Variants in KTN1 observed in about 807,000 individuals in gnomAD.
KTN1 encodes kinectin 1.
KTN1 carries 130 observed loss-of-function variants against 222.5 expected under a neutral mutation model. The ratio of observed to expected loss-of-function variants is 0.58; its 90% CI spans 0.51 to 0.68. KTN1 has a LOEUF of 0.68. Ranked by LOEUF, KTN1 falls within the 30% of genes least tolerant of loss-of-function variation. KTN1 has a pLI of 0.00. For missense variants in KTN1, 1,508 were observed against 1,500.4 expected, an observed-to-expected ratio of 1.01 and a Z score of -0.08; for synonymous variants, 512 against 496.3, an observed-to-expected ratio of 1.03 and a Z score of -0.42.
chr14:55,649,973 C>T (rs1056677363), intron 22 of KTN1, among the ~76,000 whole-genome samples, 160 bp downstream of exon 22: 1 of 148,002 alleles, frequency 6.8e-6, no homozygotes, highest in Non-Finnish European at 1.5e-5. Flanking sequence ...CTTAGCTGTG[C>T]TTTCCCAAAT....
In KTN1 at chr14:55,673,220, TC is replaced by T. The variant is rs1241556297; in HGVS notation, c.3737del (p.Ser1246LeufsTer4). On this transcript the variant is annotated frameshift_variant, in exon 40 of 44. Coordinates refer to ENST00000395314, the MANE Select transcript of KTN1 (RefSeq NM_001079521.2). LOFTEE classifies it high-confidence loss of function. ...GCAGAAAAAACTTGATGATTCATAT[TC>T]TGAAGCAGTAAGACAGAATGAAGAG... ...ELQKKLDDSY[S>X]EAVRQNEELN... The T allele has an allele frequency of 7.4e-6, 12 of 1,612,976 alleles. No individual in the cohort carries two copies. The Admixed American group carries it at 1.8e-4, about 25-fold the overall frequency.
chr14:55,667,517 C>T, intron 34 of KTN1, 187 bp downstream of exon 34: 1 of 357,504 alleles, frequency 2.8e-6, no homozygotes, highest in Non-Finnish European at 4.9e-6. Context: ...TTACCTGATA[C>T]TATTGTTTCT....
rs1379727638 is a variant in KTN1 at position 55,622,957 on chromosome 14, C to T, written c.963+3645C>T. The stretch of plus-strand genomic sequence containing the variant: ...CCAAATTTCACCCATATGGAGTCTT[C>T]TCTGGTTCTTCTGTCATACCAGACT... On this transcript the variant is annotated intron_variant, in intron 5 of 43. Transcript: ENST00000395314. Among the ~76,000 whole-genome samples, 5 of 152,190 alleles carry T rather than the reference C, an allele frequency of 3.3e-5. No individual in the cohort carries two copies. The East Asian group carries it at 9.6e-4, about 29-fold the overall frequency.
rs372534760 is a variant in KTN1, at chr14:55,646,966, A to G, written c.2173-7A>G. ...AGTTAAACTTTTTTTGGTGATTTTT[A>G]TTTTAGCCTAATAAGGATGTTGTGG... On this transcript the variant is annotated splice_polypyrimidine_tract_variant and splice_region_variant and intron_variant, in intron 18 of 43. Coordinates refer to ENST00000395314, the MANE Select transcript of KTN1 (RefSeq NM_001079521.2). The G allele has an allele frequency of 2.0e-6, 3 of 1,518,106 alleles. No homozygotes were observed. In the African/African-American group the frequency reaches 4.1e-5, roughly 21 times the overall value. The allele number at this position is 1,518,106 out of a possible 1,614,324, so 94.0% of individuals were successfully genotyped here.
downstream of KTN1, chr14:55,684,581 T>G (rs1404537915): frequency 5.4e-6 from 1 of 183,814 alleles, no homozygotes; most frequent in Non-Finnish European, 1.2e-5. Context: ...TTATTCAAAC[T>G]TGACTTGTTC....
intron 38 of KTN1, 43 bp downstream of exon 38, chr14:55,672,744 T>A: frequency 7.4e-7 from 1 of 1,350,784 alleles, no homozygotes; most frequent in Non-Finnish European, 1.1e-6. Flanking sequence ...TGGATTTGTT[T>A]TTAGCATTAA....
chr14:55,598,199 G>T (rs1395374360), intron 1 of KTN1, among the ~76,000 whole-genome samples: 4 of 152,148 alleles, frequency 2.6e-5, no homozygotes, highest in African/African-American at 7.2e-5. Context: ...ACTTTGGGAG[G>T]CCGAAGCGGG....
intron 5 of KTN1, among the ~76,000 whole-genome samples, chr14:55,627,417 A>AT (rs1014356137): frequency 2.7e-5 from 4 of 150,892 alleles, no homozygotes; most frequent in East Asian, 1.9e-4. Context: ...CATTTTCATA[A>AT]TTTTTTTTTA....
At chr14:55,627,775 C>G in intron 5 of KTN1, 137 bp from the exon 6 acceptor site, 1 of 521,562 alleles carries the variant, frequency 1.9e-6, no homozygotes, top group East Asian at 3.5e-5. Context: ...TCATCCACGT[C>G]CCTGCAAAGG....
intron 43 of KTN1, chr14:55,680,421 C>T: frequency 6.4e-6 from 1 of 156,100 alleles, no homozygotes; most frequent in Non-Finnish European, 1.4e-5. Flanking sequence ...TTATGAATAA[C>T]TTAAGTCACA....
rs566737309 is a variant in KTN1 at position 55,675,766 on chromosome 14, C to T, written c.3772-69C>T. On this transcript the variant is annotated intron_variant, in intron 40 of 43. Transcript: ENST00000395314. ...TAGCAGTCCCATTCATTCTTCAGTCCTAGAGGTATCAGCATAATCAAAGAA... is the reference window on the plus strand; with the variant it reads ...TAGCAGTCCCATTCATTCTTCAGTCTTAGAGGTATCAGCATAATCAAAGAA... The T allele has an allele frequency of 6.8e-6, 7 of 1,023,588 alleles. No homozygotes were observed. The African/African-American group carries it at 9.5e-5, about 14-fold the overall frequency. 63.4% of individuals were successfully genotyped at this position (1,023,588 alleles called of 1,614,324 possible).
intron 11 of KTN1, 85 bp downstream of exon 11, chr14:55,637,449 A>C: frequency 1.1e-6 from 1 of 915,774 alleles, no homozygotes. Context: ...ACTAAAGTCT[A>C]CCTTATCCTA....
chr14:55,679,268 C>A (rs1026175994), intron 42 of KTN1: 1 of 268,374 alleles, frequency 3.7e-6, no homozygotes, highest in Non-Finnish European at 6.9e-6. Context: ...GGCAAATTTT[C>A]TTTTTCTGAA....
At chr14:55,580,787 G>C (rs939283085) in intron 1 of KTN1, among the ~76,000 whole-genome samples, 1 of 152,190 alleles carries the variant, frequency 6.6e-6, no homozygotes, top group Non-Finnish European at 1.5e-5. Context: ...TCCTCGGCCG[G>C]TGGACGGAGG....
chr14:55,627,876 A>C (rs1269644789), intron 5 of KTN1, 36 bp from the exon 6 acceptor site: 2 of 1,177,828 alleles, frequency 1.7e-6, no homozygotes, highest in Non-Finnish European at 2.6e-6. Context: ...GCCCATGGTA[A>C]CTATTACTAA....
At chr14:55,604,035 C>T (rs1435162394) in intron 1 of KTN1, among the ~76,000 whole-genome samples, 1 of 152,196 alleles carries the variant, frequency 6.6e-6, no homozygotes, top group African/African-American at 2.4e-5. Context: ...CCTGATTTCA[C>T]TTTCTCCCTA....
At chr14:55,591,646 T>C (rs920054897) in intron 1 of KTN1, among the ~76,000 whole-genome samples, 2 of 144,510 alleles carry the variant, frequency 1.4e-5, no homozygotes, top group African/African-American at 5.1e-5. Flanking sequence ...TGGAGTGCAA[T>C]GATGCGATCT....
intron 1 of KTN1, among the ~76,000 whole-genome samples, chr14:55,592,582 T>C (rs1373910261): frequency 1.3e-5 from 2 of 152,186 alleles, no homozygotes; most frequent in African/African-American, 2.4e-5. Context: ...AAACCAATTT[T>C]TGGCGCATAC....
Position 55,619,304 on chromosome 14 carries a change from T to G in KTN1, c.955T>G (p.Leu319Val). ...GAAGTCTGGTGTAATACAAGATGCTTTAAAGAAGGTAAGCGTGTTTTTTGA... is the reference window on the plus strand; with the variant it reads ...GAAGTCTGGTGTAATACAAGATGCTGTAAAGAAGGTAAGCGTGTTTTTTGA... ...KEKSGVIQDA[L>V]KKSSKGELTT... Residue 319 changes from leucine to valine, a missense_variant, in exon 5 of 44, where the codon TTA becomes GTA. By Grantham distance (32) the Leu-to-Val change is conservative (BLOSUM62 1). Coordinates refer to ENST00000395314, the MANE Select transcript of KTN1 (RefSeq NM_001079521.2). 1 of 1,613,422 alleles carries G rather than the reference T, an allele frequency of 6.2e-7. No homozygotes were observed. Among genetic ancestry groups the G allele is most frequent in the Non-Finnish European group, 8.5e-7 (1 of 1,179,772 alleles).
Sources: gnomAD v4.1 joint callset for allele counts (sites outside exome capture counted in the v4.1 genomes callset) on GRCh38, gnomAD v4.1.1 for gene constraint, MANE v1.5 for transcripts, NCBI Gene and HGNC (gene_info 2026-07-23, HGNC 2026-07-21) for gene names.